Variants in ESYT3 observed in about 807,000 individuals in gnomAD.
The protein encoded by ESYT3 is extended synaptotagmin-3.
Under a neutral mutation model 111.5 loss-of-function variants are expected in ESYT3, and 101 were observed. The ratio of observed to expected loss-of-function variants is 0.91; its 90% CI spans 0.77 to 1.07. The LOEUF is 1.07. Ranked by LOEUF, ESYT3 falls within the 50% of genes least tolerant of loss-of-function variation. The pLI, the probability that ESYT3 is intolerant of heterozygous loss-of-function variation, is 0.00. For missense variants in ESYT3, 1,097 were observed against 1,109.4 expected (o/e 0.99, Z 0.16); for synonymous variants, 416 against 446.8 (o/e 0.93, Z 0.87).
At chr3:138,475,679 G>A (rs1442625936) in intron 20 of ESYT3, among the ~76,000 whole-genome samples, 1 of 152,202 alleles carries the variant, frequency 6.6e-6, no homozygotes, top group African/African-American at 2.4e-5. Context: ...TGTAATCCCA[G>A]CACTTTGGGA....
intron 1 of ESYT3, among the ~76,000 whole-genome samples, chr3:138,442,993 T>C (rs892649065): frequency 6.6e-6 from 1 of 152,198 alleles, no homozygotes; most frequent in Non-Finnish European, 1.5e-5. Context: ...AACTGGATCA[T>C]TGAACTCTCT....
chr3:138,441,435 T>C (rs1309338634), intron 1 of ESYT3, among the ~76,000 whole-genome samples: 1 of 151,608 alleles, frequency 6.6e-6, no homozygotes, highest in Non-Finnish European at 1.5e-5. Context: ...TGGGGAGAGA[T>C]GGTCACCGGC....
rs982275279 is a variant in ESYT3, at chr3:138,435,738, A to G, written c.327+613A>G. ...ACACGCACACTGCCCCGACAAACCC[A>G]TCTCCTGGGGCGGCATGGGCGGCAC... On this transcript the variant is annotated intron_variant, in intron 1 of 22. Coordinates refer to ENST00000389567, the MANE Select transcript of ESYT3 (RefSeq NM_031913.5). The surrounding 1 kb of genome is among the most constrained non-coding windows in gnomAD (Gnocchi z 4.8). Among the ~76,000 whole-genome samples, 1 of 150,840 alleles carries G rather than the reference A, an allele frequency of 6.6e-6. No individual in the cohort carries two copies. Among genetic ancestry groups the G allele is most frequent in the Non-Finnish European group, 1.5e-5 (1 of 67,774 alleles).
intron 10 of ESYT3, among the ~76,000 whole-genome samples, chr3:138,466,796 A>G (rs994072305): frequency 1.3e-5 from 2 of 152,190 alleles, no homozygotes; most frequent in African/African-American, 2.4e-5. Context: ...CAGGCTGTAC[A>G]TGAAGCATAG....
rs1313762105 is a variant in ESYT3 at position 138,476,774 on chromosome 3, C to T, written c.2625-44C>T. On this transcript the variant is annotated intron_variant, in intron 22 of 22. Coordinates refer to ENST00000389567, the MANE Select transcript of ESYT3 (RefSeq NM_031913.5). ...GGCAGTTTGTCCTGTTACCACAACA[C>T]ACTGTCATTACTAACGTTAAGTCCA... 4 of 1,593,524 alleles carry T rather than the reference C, an allele frequency of 2.5e-6. No homozygotes were observed. The South Asian group carries it at 4.4e-5, about 18-fold the overall frequency.
At chr3:138,448,089 A>G (rs2031665360) in intron 1 of ESYT3, among the ~76,000 whole-genome samples, 1 of 151,694 alleles carries the variant, frequency 6.6e-6, no homozygotes, top group Admixed American at 6.6e-5. Flanking sequence ...AACATGGTGA[A>G]ACCCTGTCTC....
At chr3:138,472,919 A>C in intron 18 of ESYT3, 60 bp downstream of exon 18, 6 of 1,548,130 alleles carry the variant, frequency 3.9e-6, no homozygotes, top group Non-Finnish European at 5.2e-6. Context: ...ACCTCGCTGG[A>C]TGGAAAAGTA....
intron 3 of ESYT3, among the ~76,000 whole-genome samples, chr3:138,455,932 C>T (rs763952379): frequency 1.3e-4 from 20 of 152,174 alleles, no homozygotes. Flanking sequence ...CTCGAAGTGC[C>T]CCTAGTGACT....
downstream of ESYT3, chr3:138,481,647 T>C (rs1056562816): frequency 1.3e-5 from 2 of 151,162 alleles, no homozygotes; most frequent in Admixed American, 6.6e-5. Flanking sequence ...ATTACAGGCA[T>C]GAGCCACCAC....
In ESYT3 at chr3:138,470,830, G is replaced by A; in HGVS notation, c.1591-47G>A. 1.9e-6 allele frequency: 3 copies of A among 1,612,294 alleles called. No homozygotes were observed. The Admixed American group carries it at 5.0e-5, about 27-fold the overall frequency. ...GGGGCTCAGATACTAGTAGTGGAGT[G>A]GTGGGGCTTGGTTATCCTCTTGTTT... On this transcript the variant is annotated intron_variant, in intron 16 of 22. Coordinates refer to ENST00000389567, the MANE Select transcript of ESYT3 (RefSeq NM_031913.5).
chr3:138,438,069 A>C (rs913227751), intron 1 of ESYT3, among the ~76,000 whole-genome samples: 41 of 152,180 alleles, frequency 2.7e-4, no homozygotes, highest in African/African-American at 9.6e-4. Flanking sequence ...CTGTGAAGGC[A>C]AAGAGAGACA....
rs1055364000 is a variant in ESYT3 at position 138,460,509 on chromosome 3, G to C, written c.739-102G>C. On this transcript the variant is annotated intron_variant, in intron 6 of 22. Transcript: ENST00000389567. ...TTCCTCCGAACCCCCACCCTGGAAGGCTGGGTTCTCCATTCACATGGGTGT... is the reference window on the plus strand; with the variant it reads ...TTCCTCCGAACCCCCACCCTGGAAGCCTGGGTTCTCCATTCACATGGGTGT... 6 of 1,289,252 alleles carry C rather than the reference G, an allele frequency of 4.7e-6. No homozygotes were observed. The Admixed American group carries it at 5.2e-5, about 11-fold the overall frequency. The allele number at this position is 1,289,252 out of a possible 1,614,324, so 79.9% of individuals were successfully genotyped here.
chr3:138,435,249 A>T lies in ESYT3; in HGVS notation c.327+124A>T, dbSNP rs935386129. ...AGGGCGGGAGCCCGGCGACCTGCACACCCCGTTCCCCACCGCTCCCGGGGC... is the reference window on the plus strand; with the variant it reads ...AGGGCGGGAGCCCGGCGACCTGCACTCCCCGTTCCCCACCGCTCCCGGGGC... On this transcript the variant is annotated intron_variant, in intron 1 of 22. Coordinates refer to ENST00000389567, the MANE Select transcript of ESYT3 (RefSeq NM_031913.5). This position sits in a 1 kb window ranked among gnomAD's most constrained non-coding sequence, Gnocchi z 4.8. 2 of 963,786 alleles carry T rather than the reference A, an allele frequency of 2.1e-6. No individual in the cohort carries two copies. Among genetic ancestry groups the T allele is most frequent in the Non-Finnish European group, 3.0e-6 (2 of 670,590 alleles). The allele number at this position is 963,786 out of a possible 1,614,324, so 59.7% of individuals were successfully genotyped here. A position where few individuals can be genotyped will look rare whatever the true frequency, so the allele number is the denominator to read the frequency against.
At chr3:138,462,365 C>T (rs900088406) in intron 8 of ESYT3, 159 bp downstream of exon 8, 3 of 1,039,934 alleles carry the variant, frequency 2.9e-6, no homozygotes, top group Non-Finnish European at 4.2e-6. Context: ...TTACTAAAGA[C>T]ATTTTGTCCT....
chr3:138,465,469 T>C, intron 10 of ESYT3, 48 bp downstream of exon 10: 1 of 1,458,140 alleles, frequency 6.9e-7, no homozygotes, highest in Non-Finnish European at 9.4e-7. Context: ...CTTCCCTCCC[T>C]GCGGGGTGCT....
At chr3:138,457,734 C>CT in intron 4 of ESYT3, 90 bp downstream of exon 4, 1 of 1,257,390 alleles carries the variant, frequency 8.0e-7, no homozygotes, top group South Asian at 1.2e-5. Context: ...TATATATACT[C>CT]TGACTTGGGA....
intron 1 of ESYT3, among the ~76,000 whole-genome samples, chr3:138,448,381 G>C (rs1304148767): frequency 6.6e-6 from 1 of 151,668 alleles, no homozygotes; most frequent in African/African-American, 2.4e-5. Context: ...GCCGACTTAT[G>C]GAGTTGAATG....
intron 17 of ESYT3, among the ~76,000 whole-genome samples, chr3:138,472,111 T>C (rs748786940): frequency 6.6e-6 from 1 of 152,230 alleles, no homozygotes; most frequent in African/African-American, 2.4e-5. Context: ...ATTTTTTCTT[T>C]TTTTAACAGA....
intron 20 of ESYT3, among the ~76,000 whole-genome samples, chr3:138,475,381 C>G (rs983003704): frequency 2.0e-5 from 3 of 152,100 alleles, no homozygotes; most frequent in Non-Finnish European, 4.4e-5. Context: ...TACTAATTCT[C>G]AAAAGTATGA....
Sources: allele counts gnomAD v4.1 joint callset (sites outside exome capture counted in the v4.1 genomes callset), GRCh38; gene constraint gnomAD v4.1.1; non-coding constraint Gnocchi (gnomAD v3.1); transcripts MANE v1.5; gene names NCBI Gene and HGNC (gene_info 2026-07-23, HGNC 2026-07-21).